Variants in APBA1 observed in about 807,000 individuals in gnomAD.
APBA1 encodes amyloid-beta A4 precursor protein-binding family A member 1.
A neutral mutation model predicts 86.6 loss-of-function variants in APBA1; 55 were observed. The observed-to-expected ratio is 0.64, with a 90% CI of 0.51 to 0.80. APBA1 has a LOEUF of 0.80. APBA1 is among the 30% of genes least tolerant of loss of function. APBA1 has a pLI of 0.00. For missense variants in APBA1, 1,090 were observed against 1,183.0 expected (o/e 0.92, Z 1.15); for synonymous variants, 511 against 493.9 (o/e 1.03, Z -0.46).
chr9:69,638,850 T>C (rs1167333179), intron 1 of APBA1, among the ~76,000 whole-genome samples: 2 of 152,188 alleles, frequency 1.3e-5, no homozygotes, highest in Admixed American at 6.5e-5. Context: ...ATTTTGAATT[T>C]TGAAAATCAA....
At chr9:69,557,249 T>C (rs879715020) in intron 1 of APBA1, among the ~76,000 whole-genome samples, 3 of 152,212 alleles carry the variant, frequency 2.0e-5, no homozygotes, top group Non-Finnish European at 2.9e-5. Context: ...CCAAGTCTTC[T>C]CAGGGTCACA....
chr9:69,501,629 A>AACACACAC (rs57033911), intron 2 of APBA1, among the ~76,000 whole-genome samples: 25 of 142,184 alleles, frequency 1.8e-4, no homozygotes, highest in South Asian at 7.3e-4. Flanking sequence ...GTCTCTACAA[A>AACACACAC]ACACACACAC....
intron 5 of APBA1, chr9:69,462,911 T>C (rs975691212): frequency 6.6e-6 from 1 of 152,120 alleles, no homozygotes; most frequent in Non-Finnish European, 1.5e-5. Context: ...AACCTGTACT[T>C]CTAAGAAGTT....
intron 1 of APBA1, among the ~76,000 whole-genome samples, chr9:69,623,218 C>G (rs181018792): frequency 6.6e-6 from 1 of 152,024 alleles, no homozygotes; most frequent in Non-Finnish European, 1.5e-5. Flanking sequence ...GAGTCTACTG[C>G]GCTTTCATTT....
At chr9:69,490,519 A>G (rs1440823807) in intron 2 of APBA1, among the ~76,000 whole-genome samples, 1 of 152,054 alleles carries the variant, frequency 6.6e-6, no homozygotes, top group East Asian at 1.9e-4. Context: ...TAACCTAGGC[A>G]ATACCATTCA....
At chr9:69,505,386 GT>G (rs1299639206) in intron 2 of APBA1, among the ~76,000 whole-genome samples, 1 of 152,076 alleles carries the variant, frequency 6.6e-6, no homozygotes, top group Non-Finnish European at 1.5e-5. Context: ...AGGAAGTGCA[GT>G]CTTCTCCATG....
intron 1 of APBA1, among the ~76,000 whole-genome samples, chr9:69,616,881 G>A (rs1468222798): frequency 6.6e-6 from 1 of 152,136 alleles, no homozygotes; most frequent in Non-Finnish European, 1.5e-5. Context: ...AATCAAAATG[G>A]AGTCATATTT....
chr9:69,571,335 C>A (rs2133948258), intron 1 of APBA1, among the ~76,000 whole-genome samples: 1 of 152,272 alleles, frequency 6.6e-6, no homozygotes, highest in East Asian at 1.9e-4. Flanking sequence ...ATTTTTGATC[C>A]TGGCCTTTTT....
At chr9:69,643,019 AACACAC>A (rs369247145) in intron 1 of APBA1, among the ~76,000 whole-genome samples, 2 of 141,510 alleles carry the variant, frequency 1.4e-5, no homozygotes, top group Admixed American at 7.0e-5. Flanking sequence ...CCCCGCCACA[AACACAC>A]ACACACACAC....
At chr9:69,444,855 C>T (rs143831553) in intron 10 of APBA1, among the ~76,000 whole-genome samples, 138 of 152,274 alleles carry the variant, frequency 9.1e-4, no homozygotes, top group Middle Eastern at 3.4e-3. Flanking sequence ...GCACCCTCTC[C>T]GGGGCTGGAT....
intron 1 of APBA1, among the ~76,000 whole-genome samples, chr9:69,625,498 A>G (rs948018939): frequency 6.6e-6 from 1 of 152,106 alleles, no homozygotes; most frequent in African/African-American, 2.4e-5. Flanking sequence ...TGTTCCTAGC[A>G]CATAGGAGGC....
chr9:69,441,945 T>C (rs77555615), intron 10 of APBA1, among the ~76,000 whole-genome samples: 2,159 of 152,306 alleles, frequency 0.014, 42 homozygotes, highest in African/African-American at 0.049. Context: ...CCTGCTCCTG[T>C]CCCCTGATCA....
chr9:69,656,907 G>A (rs150799288), intron 1 of APBA1, among the ~76,000 whole-genome samples: 4,658 of 149,018 alleles, frequency 0.031, 272 homozygotes, highest in African/African-American at 0.11. Context: ...CTGCAGTGGC[G>A]CTGTCTTGGC....
intron 1 of APBA1, among the ~76,000 whole-genome samples, chr9:69,573,353 T>C (rs1837146853): frequency 2.6e-5 from 4 of 152,000 alleles, no homozygotes; most frequent in Admixed American, 6.6e-5. Flanking sequence ...TCCCAGGTAC[T>C]TGGGAGACTG....
At chr9:69,462,800 G>A (rs911107482) in intron 5 of APBA1, 10 of 152,252 alleles carry the variant, frequency 6.6e-5, no homozygotes, top group African/African-American at 2.4e-5. Flanking sequence ...GTTCCCAAAC[G>A]CTGGTGCAGA....
At chr9:69,503,654 G>A (rs1835911963) in intron 2 of APBA1, among the ~76,000 whole-genome samples, 1 of 152,052 alleles carries the variant, frequency 6.6e-6, no homozygotes, top group South Asian at 2.1e-4. Flanking sequence ...CGTTTGCTTA[G>A]TCTTCTATGG....
intron 1 of APBA1, among the ~76,000 whole-genome samples, chr9:69,665,186 T>C (rs1278666582): frequency 6.6e-6 from 1 of 152,228 alleles, no homozygotes; most frequent in Admixed American, 6.5e-5. Context: ...TCTCCACTGC[T>C]TGGTGGACAA....
intron 11 of APBA1, among the ~76,000 whole-genome samples, chr9:69,440,430 C>A (rs1230233036): frequency 1.3e-5 from 2 of 151,448 alleles, no homozygotes; most frequent in Non-Finnish European, 2.9e-5. Context: ...GTGGGCTCCA[C>A]CCCGTTCGAG....
At chr9:69,488,336 AT>A (rs1204796219) in intron 2 of APBA1, among the ~76,000 whole-genome samples, 3 of 152,262 alleles carry the variant, frequency 2.0e-5, no homozygotes, top group South Asian at 2.1e-4. Flanking sequence ...TGAAAAAAAA[AT>A]ATAACTAAGA....
Sources: gnomAD v4.1 joint callset for allele counts (sites outside exome capture counted in the v4.1 genomes callset) on GRCh38, gnomAD v4.1.1 for gene constraint, MANE v1.5 for transcripts, NCBI Gene and HGNC (gene_info 2026-07-23, HGNC 2026-07-21) for gene names.